Variants in SUMF1 observed in about 807,000 individuals in gnomAD.
The protein encoded by SUMF1 is sulfatase modifying factor 1, also known as formylglycine-generating enzyme.
SUMF1 carries 48 observed loss-of-function variants against 47.6 expected under a neutral mutation model. The observed-to-expected ratio is 1.01, with a 90% CI of 0.80 to 1.28. SUMF1 has a LOEUF of 1.28. Ranked by LOEUF, SUMF1 falls within the 50% of genes most tolerant of loss-of-function variation. SUMF1 has a pLI of 0.00. For missense variants in SUMF1, 571 were observed against 485.4 expected (o/e 1.18, Z -1.66); for synonymous variants, 230 against 192.1 (o/e 1.20, Z -1.63).
rs183069148 is a variant in SUMF1, at chr3:4,420,598, C to G, written c.520-452G>C. ...TTTTTACTAGAGACAGGGTTTCACT[C>G]TGTTAGCCAGGATGGTCTCGATCTC... is the stretch of plus-strand genomic sequence containing the variant. On this transcript the variant is annotated intron_variant, in intron 3 of 8. Coordinates refer to ENST00000272902, the MANE Select transcript of SUMF1 (RefSeq NM_182760.4). Among the ~76,000 whole-genome samples the G allele has an allele frequency of 9.9e-4, 150 of 151,992 alleles. No individual in the cohort carries two copies. The East Asian group carries it at 0.021, about 22-fold the overall frequency.
intron 8 of SUMF1, among the ~76,000 whole-genome samples, chr3:4,080,980 T>A (rs1692547608): frequency 6.6e-6 from 1 of 152,138 alleles, no homozygotes; most frequent in Non-Finnish European, 1.5e-5. Context: ...TTTGCTCAAC[T>A]GAAAAATGGG....
At chr3:4,320,968 T>C (rs1698817496) in intron 8 of SUMF1, among the ~76,000 whole-genome samples, 1 of 152,108 alleles carries the variant, frequency 6.6e-6, no homozygotes, top group Non-Finnish European at 1.5e-5. Flanking sequence ...GGACCATACG[T>C]TGGGGTATCA....
At chr3:4,326,604 A>G (rs1228924199) in intron 8 of SUMF1, among the ~76,000 whole-genome samples, 1 of 148,358 alleles carries the variant, frequency 6.7e-6, no homozygotes, top group African/African-American at 2.6e-5. Context: ...TGCAACTGCT[A>G]CCTCCTGGAT....
intron 8 of SUMF1, among the ~76,000 whole-genome samples, chr3:4,237,183 T>A (rs74980790): frequency 0.04 from 6,105 of 152,144 alleles, 297 homozygotes; most frequent in South Asian, 0.26. Context: ...TAAGAGTAAA[T>A]CTAGTTTTAC....
chr3:4,307,366 C>T (rs1206596494), intron 8 of SUMF1, among the ~76,000 whole-genome samples: 1 of 152,128 alleles, frequency 6.6e-6, no homozygotes, highest in Non-Finnish European at 1.5e-5. Flanking sequence ...ATGCCACACT[C>T]GAAACCTCAT....
intron 8 of SUMF1, among the ~76,000 whole-genome samples, chr3:4,127,785 T>C (rs1225825073): frequency 6.6e-6 from 1 of 152,124 alleles, no homozygotes; most frequent in Non-Finnish European, 1.5e-5. Flanking sequence ...ATATAAAGGA[T>C]GGAGTTCTTT....
chr3:4,267,268 T>A (rs954427338), intron 8 of SUMF1, among the ~76,000 whole-genome samples: 46 of 152,254 alleles, frequency 3.0e-4, no homozygotes, highest in African/African-American at 1.0e-3. Flanking sequence ...TTCCCTCTTT[T>A]TCTATTGATT....
At chr3:4,081,342 C>T (rs1692555826) in intron 8 of SUMF1, among the ~76,000 whole-genome samples, 1 of 151,934 alleles carries the variant, frequency 6.6e-6, no homozygotes, top group African/African-American at 2.4e-5. Context: ...TCTTCACTGC[C>T]TGCTTCTACT....
chr3:4,424,415 C>A lies in SUMF1; in HGVS notation c.520-4269G>T, dbSNP rs17685459. 4.7e-3 allele frequency among the ~76,000 whole-genome samples: 716 copies of A among 152,166 alleles called. 6 individuals carry two copies. The highest frequency in any genetic ancestry group is 0.016 in the African/African-American group (673 of 41,492). On this transcript the variant is annotated intron_variant, in intron 3 of 8. Transcript: ENST00000272902. The stretch of plus-strand genomic sequence containing the variant: ...TGATCACCAATCTCAATGAGGTGCA[C>A]GGTAAGATGGAAAAAACACGTGAAC...
chr3:4,144,132 A>AT (rs1694140242), intron 8 of SUMF1, among the ~76,000 whole-genome samples: 1 of 151,400 alleles, frequency 6.6e-6, no homozygotes, highest in Non-Finnish European at 1.5e-5. Context: ...TACCTGGCTA[A>AT]TTTTTTTATT....
chr3:4,355,463 GA>G (rs1363245079), intron 8 of SUMF1, among the ~76,000 whole-genome samples: 1 of 152,112 alleles, frequency 6.6e-6, no homozygotes, highest in Non-Finnish European at 1.5e-5. Context: ...GTGTAGAGCA[GA>G]GAAAAATTGT....
chr3:4,217,160 C>T (rs185747391), intron 8 of SUMF1, among the ~76,000 whole-genome samples: 41 of 152,074 alleles, frequency 2.7e-4, no homozygotes, highest in Non-Finnish European at 2.9e-4. Flanking sequence ...GTGGCACATA[C>T]ACACCATGGA....
chr3:4,389,262 C>T (rs1700773712), intron 7 of SUMF1, among the ~76,000 whole-genome samples: 1 of 151,800 alleles, frequency 6.6e-6, no homozygotes, highest in African/African-American at 2.4e-5. Context: ...TCTTTCAGCA[C>T]TTAAAAAACA....
chr3:4,434,640 A>G (rs1380416132), intron 3 of SUMF1, among the ~76,000 whole-genome samples: 6 of 152,236 alleles, frequency 3.9e-5, no homozygotes, highest in Admixed American at 3.9e-4. Context: ...TAACAGCTCT[A>G]TGGGGTAGCA....
At chr3:4,084,156 G>A (rs931356687) in intron 8 of SUMF1, among the ~76,000 whole-genome samples, 3 of 152,066 alleles carry the variant, frequency 2.0e-5, no homozygotes, top group Non-Finnish European at 2.9e-5. Context: ...ATTAAATGAA[G>A]AAAGGCATCT....
chr3:4,438,760 A>T (rs1702482867), intron 3 of SUMF1, among the ~76,000 whole-genome samples: 1 of 152,182 alleles, frequency 6.6e-6, no homozygotes, highest in Non-Finnish European at 1.5e-5. Context: ...GAAGGGAAAA[A>T]TTAGTAAGGA....
intron 3 of SUMF1, among the ~76,000 whole-genome samples, chr3:4,427,952 TA>T (rs992120193): frequency 6.6e-6 from 1 of 151,830 alleles, no homozygotes; most frequent in Non-Finnish European, 1.5e-5. Flanking sequence ...TTGGGGCTTG[TA>T]AAAAAAATTA....
At chr3:4,062,061 G>A (rs1178385281) in intron 9 of SUMF1, among the ~76,000 whole-genome samples, 2 of 151,914 alleles carry the variant, frequency 1.3e-5, no homozygotes, top group African/African-American at 4.8e-5. Flanking sequence ...ACCTCAGCCT[G>A]AACAGCACCC....
intron 8 of SUMF1, among the ~76,000 whole-genome samples, chr3:4,247,838 G>A (rs1211859993): frequency 6.6e-6 from 1 of 152,296 alleles, no homozygotes; most frequent in African/African-American, 2.4e-5. Context: ...TACAAAAAGT[G>A]CTTGAAAACA....
Sources: gnomAD v4.1 joint callset for allele counts (sites outside exome capture counted in the v4.1 genomes callset) on GRCh38, gnomAD v4.1.1 for gene constraint, MANE v1.5 for transcripts, NCBI Gene and HGNC (gene_info 2026-07-23, HGNC 2026-07-21) for gene names.